Variants in GRAMD4 observed in about 807,000 individuals in gnomAD.
The protein encoded by GRAMD4 is GRAM domain containing 4, also known as GRAM domain-containing protein 4.
A neutral mutation model predicts 83.9 loss-of-function variants in GRAMD4; 25 were observed. The observed-to-expected ratio is 0.30, with a 90% CI of 0.22 to 0.42. GRAMD4 has a LOEUF of 0.42. Ranked by LOEUF, GRAMD4 falls within the 10% of genes least tolerant of loss-of-function variation. The pLI, the probability that GRAMD4 is intolerant of heterozygous loss-of-function variation, is 1.00. For synonymous variants in GRAMD4, 336 were observed against 320.9 expected, an observed-to-expected ratio of 1.05 and a Z score of -0.50; for missense variants, 593 against 788.7, an observed-to-expected ratio of 0.75 and a Z score of 2.97.
chr22:46,610,381 C>A (rs2081405627), intron 1 of GRAMD4, among the ~76,000 whole-genome samples: 1 of 152,198 alleles, frequency 6.6e-6, no homozygotes, highest in African/African-American at 2.4e-5. Flanking sequence ...GCCCACGGAC[C>A]ACACACCACC....
At chr22:46,591,023 G>A (rs549714111) in intron 1 of GRAMD4, among the ~76,000 whole-genome samples, 41 of 151,740 alleles carry the variant, frequency 2.7e-4, no homozygotes, top group African/African-American at 9.5e-4. Context: ...TCGTGCCACC[G>A]GACTCCAGCC....
intron 1 of GRAMD4, among the ~76,000 whole-genome samples, chr22:46,610,356 G>T (rs1302693216): frequency 6.6e-6 from 1 of 152,202 alleles, no homozygotes; most frequent in African/African-American, 2.4e-5. Context: ...CCCCGGACAG[G>T]GACGGTCAGT....
At chr22:46,638,922 T>C (rs965515176) in intron 3 of GRAMD4, among the ~76,000 whole-genome samples, 1 of 152,170 alleles carries the variant, frequency 6.6e-6, no homozygotes, top group African/African-American at 2.4e-5. Context: ...GCCAGAAGGA[T>C]TGTCATCTGG....
intron 3 of GRAMD4, among the ~76,000 whole-genome samples, chr22:46,644,383 C>T (rs1467203480): frequency 6.6e-6 from 1 of 152,048 alleles, no homozygotes; most frequent in East Asian, 1.9e-4. Context: ...TACACCTGTC[C>T]CTGTTCCAGG....
chr22:46,648,759 G>C (rs1452881976), intron 3 of GRAMD4, among the ~76,000 whole-genome samples: 2 of 139,162 alleles, frequency 1.4e-5, no homozygotes, highest in African/African-American at 2.8e-5. Flanking sequence ...TGGATGGATG[G>C]ATGGATGCAT....
At chr22:46,607,948 C>T (rs1022704981) in intron 1 of GRAMD4, among the ~76,000 whole-genome samples, 2 of 152,210 alleles carry the variant, frequency 1.3e-5, no homozygotes, top group African/African-American at 4.8e-5. Flanking sequence ...GCTGCCCCCC[C>T]AGGGGCCGTG....
intron 8 of GRAMD4, among the ~76,000 whole-genome samples, chr22:46,665,305 GC>G (rs1043865146): frequency 6.6e-6 from 1 of 152,238 alleles, no homozygotes; most frequent in African/African-American, 2.4e-5. Context: ...TCCTGGTGAT[GC>G]CCCAAGTCTG....
At chr22:46,682,433 T>C (rs543064893), downstream of GRAMD4, 11 of 985,304 alleles carry the variant, frequency 1.1e-5, no homozygotes, top group East Asian at 1.2e-3. Flanking sequence ...CATAGGAGTG[T>C]GGAAGCTGCT....
At chr22:46,680,602 CCATT>C, downstream of GRAMD4, among the ~76,000 whole-genome samples, 6 of 133,252 alleles carry the variant, frequency 4.5e-5, no homozygotes, top group African/African-American at 8.6e-5. Context: ...ATCCACCCAC[CCATT>C]CATCCATCCA....
intron 8 of GRAMD4, among the ~76,000 whole-genome samples, chr22:46,664,692 C>G (rs1208875539): frequency 1.3e-5 from 2 of 152,230 alleles, no homozygotes; most frequent in Non-Finnish European, 2.9e-5. Flanking sequence ...GGGGGAGCCC[C>G]CTCACCCAGG....
chr22:46,589,817 T>C (rs1284064028), intron 1 of GRAMD4, among the ~76,000 whole-genome samples: 2 of 152,168 alleles, frequency 1.3e-5, no homozygotes, highest in African/African-American at 4.8e-5. Context: ...CCTGCTGCAC[T>C]GCCAGGACCT....
chr22:46,585,873 A>C (rs1170229889), intron 1 of GRAMD4, among the ~76,000 whole-genome samples: 1 of 152,204 alleles, frequency 6.6e-6, no homozygotes, highest in Admixed American at 6.5e-5. Flanking sequence ...GTTAAAGGTC[A>C]GCCTCTGTGC....
At chr22:46,677,011 G>A (rs535826394) in intron 18 of GRAMD4, 136 bp from the exon 19 acceptor site, 1 of 969,944 alleles carries the variant, frequency 1.0e-6, no homozygotes, top group South Asian at 1.5e-5. Flanking sequence ...GGGTGGTGGG[G>A]AGACACCTGT....
chr22:46,674,023 G>T (rs2082555623), intron 15 of GRAMD4, among the ~76,000 whole-genome samples: 1 of 152,202 alleles, frequency 6.6e-6, no homozygotes, highest in African/African-American at 2.4e-5. Flanking sequence ...GCGTGCCCGT[G>T]GGGAGAGCCG....
At chr22:46,599,688 T>G (rs1351125651) in intron 1 of GRAMD4, among the ~76,000 whole-genome samples, 1 of 152,188 alleles carries the variant, frequency 6.6e-6, no homozygotes, top group Non-Finnish European at 1.5e-5. Context: ...CAACCTGCAT[T>G]TAATGTATTA....
At chr22:46,670,395 C>T (rs1161666662) in intron 13 of GRAMD4, among the ~76,000 whole-genome samples, 1 of 152,202 alleles carries the variant, frequency 6.6e-6, no homozygotes, top group Non-Finnish European at 1.5e-5. Context: ...CCGACAATGC[C>T]CTGGAGCCCC....
intron 2 of GRAMD4, among the ~76,000 whole-genome samples, chr22:46,629,681 C>A (rs1419365960): frequency 1.3e-5 from 2 of 152,224 alleles, no homozygotes; most frequent in African/African-American, 4.8e-5. Flanking sequence ...GTATACAGTT[C>A]ACCCACTAAA....
intron 1 of GRAMD4, among the ~76,000 whole-genome samples, chr22:46,611,764 G>A (rs547092522): frequency 1.7e-4 from 26 of 151,664 alleles, no homozygotes; most frequent in Non-Finnish European, 3.7e-4. Context: ...GCCGAGGTGG[G>A]TGGATCACGA....
chr22:46,602,778 T>TTC (rs1286530418), intron 1 of GRAMD4, among the ~76,000 whole-genome samples: 1 of 149,988 alleles, frequency 6.7e-6, no homozygotes, highest in East Asian at 2.0e-4. Context: ...TTTTTTTTTT[T>TTC]GAGGCAGAGT....
Sources: allele counts gnomAD v4.1 joint callset (sites outside exome capture counted in the v4.1 genomes callset), GRCh38; gene constraint gnomAD v4.1.1; transcripts MANE v1.5; gene names NCBI Gene and HGNC (gene_info 2026-07-23, HGNC 2026-07-21).